Variants in NEDD4 observed in about 807,000 individuals in gnomAD.
NEDD4 encodes E3 ubiquitin-protein ligase NEDD4.
NEDD4 carries 99 observed loss-of-function variants against 144.9 expected under a neutral mutation model. That is an observed-to-expected ratio of 0.68 (90% confidence interval 0.58 to 0.81). The LOEUF (loss-of-function observed/expected upper bound fraction) is 0.81. Ranked by LOEUF, NEDD4 falls within the 30% of genes least tolerant of loss-of-function variation. NEDD4 has a pLI of 0.00. For synonymous variants in NEDD4, 318 were observed against 350.6 expected (o/e 0.91, Z 1.04); for missense variants, 985 against 1,065.9 (o/e 0.92, Z 1.06).
At chr15:55,958,335 A>AT (rs1278691468) in intron 2 of NEDD4, among the ~76,000 whole-genome samples, 12 of 152,152 alleles carry the variant, frequency 7.9e-5, no homozygotes, top group African/African-American at 1.9e-4. Flanking sequence ...GCATTAATTA[A>AT]TTTTTTTAAT....
chr15:55,943,702 A>C (rs1427893362), intron 4 of NEDD4, among the ~76,000 whole-genome samples: 6 of 152,226 alleles, frequency 3.9e-5, no homozygotes, highest in African/African-American at 1.4e-4. Flanking sequence ...CTATTAGGGC[A>C]GTGTGGATGG....
chr15:55,917,114 G>A, intron 5 of NEDD4: 1 of 1,155,216 alleles, frequency 8.7e-7, no homozygotes, highest in Non-Finnish European at 1.1e-6. Flanking sequence ...CGACCTTTAA[G>A]CTGAGCTCAG....
chr15:55,879,159 G>GTACATGCTGTCCGATTTAATT (rs2035096430), intron 5 of NEDD4, among the ~76,000 whole-genome samples: 1 of 152,134 alleles, frequency 6.6e-6, no homozygotes. Context: ...ATACAAAAGA[G>GTACATGCTGTCCGATTTAATT]TACATGCTGT....
chr15:55,830,317 T>G (rs2032889096), intron 28 of NEDD4, among the ~76,000 whole-genome samples, 197 bp downstream of exon 28: 1 of 152,210 alleles, frequency 6.6e-6, no homozygotes, highest in Non-Finnish European at 1.5e-5. Context: ...TCTCTGATCT[T>G]CAGCTACCTG....
chr15:55,838,921 C>A (rs1365251236), intron 21 of NEDD4, among the ~76,000 whole-genome samples: 5 of 152,184 alleles, frequency 3.3e-5, no homozygotes, highest in African/African-American at 1.2e-4. Context: ...GGAATGAATA[C>A]AGAAGTTTTC....
chr15:55,982,692 C>G (rs372210470), intron 1 of NEDD4, among the ~76,000 whole-genome samples: 1 of 152,324 alleles, frequency 6.6e-6, no homozygotes, highest in South Asian at 2.1e-4. Flanking sequence ...TCAAATTATA[C>G]ATTTATAATC....
Position 55,966,754 on chromosome 15 carries a change from C to T in NEDD4, c.46-208G>A, listed in dbSNP as rs536797869. ...GATTATTTACAAAGATAAGCAAAAA[C>T]TTGAGTCAACTTATTACACTGAATA... On this transcript the variant is annotated intron_variant, in intron 1 of 28. Transcript: ENST00000435532. Among the ~76,000 whole-genome samples the T allele has an allele frequency of 1.1e-3, 164 of 152,212 alleles. 1 individual carries two copies. The Middle Eastern group carries it at 0.027, about 25-fold the overall frequency.
intron 27 of NEDD4, among the ~76,000 whole-genome samples, chr15:55,832,210 T>C (rs1490935379): frequency 6.7e-6 from 1 of 149,262 alleles, no homozygotes; most frequent in Non-Finnish European, 1.5e-5. Context: ...GATTTCATGA[T>C]CAAATAAGTT....
intron 4 of NEDD4, among the ~76,000 whole-genome samples, chr15:55,940,724 G>C (rs913400278): frequency 2.0e-5 from 3 of 151,818 alleles, no homozygotes; most frequent in Admixed American, 1.3e-4. Flanking sequence ...TAGAGATGGG[G>C]TCCCACTATT....
rs910522738 is a variant in NEDD4 at position 55,936,477 on chromosome 15, C to T, written c.238-11778G>A. Among the ~76,000 whole-genome samples, 12 of 151,820 alleles carry T rather than the reference C, an allele frequency of 7.9e-5. 1 individual carries two copies. The South Asian group carries it at 1.3e-3, about 16-fold the overall frequency. On this transcript the variant is annotated intron_variant, in intron 4 of 28. Coordinates refer to ENST00000435532, the MANE Select transcript of NEDD4 (RefSeq NM_006154.4). ...AAGCATATTATCAGTGGTGGTTTAT[C>T]GAGATGAAATTATGGCTGATTTTCA...
At chr15:55,950,347 T>C (rs1286374605) in intron 4 of NEDD4, among the ~76,000 whole-genome samples, 2 of 152,240 alleles carry the variant, frequency 1.3e-5, no homozygotes, top group African/African-American at 4.8e-5. Context: ...ACAGCTTCCT[T>C]GCCCTTAATG....
intron 4 of NEDD4, among the ~76,000 whole-genome samples, chr15:55,928,144 G>T (rs543371702): frequency 1.6e-4 from 24 of 152,166 alleles, no homozygotes; most frequent in African/African-American, 5.1e-4. Flanking sequence ...CAAGTAGCTG[G>T]GACTACAGGG....
At position 55,979,336 on chromosome 15, in the gene NEDD4, CCTCTTTTTTTTTTT is replaced by C. The variant is rs2037759376; in HGVS notation, c.46-12804_46-12791del. 5.2e-5 allele frequency among the ~76,000 whole-genome samples: 4 copies of C among 76,358 alleles called. No homozygotes were observed. In the Admixed American group the frequency reaches 7.4e-4, roughly 14 times the overall value. The allele number at this position is 76,358 out of a possible 152,430, so 50.1% of individuals were successfully genotyped here. A position where few individuals can be genotyped will look rare whatever the true frequency, so the allele number is the denominator to read the frequency against. The stretch of plus-strand genomic sequence containing the variant: ...AGTAATAAGATCATGAAAGTTTTTA[CCTCTTTTTTTTTTT>C]TTTTTTTTTTTTTTGAGACGGAGTC... On this transcript the variant is annotated intron_variant, in intron 1 of 28. Coordinates refer to ENST00000435532, the MANE Select transcript of NEDD4 (RefSeq NM_006154.4).
chr15:55,961,909 T>C (rs1490235833), intron 2 of NEDD4, among the ~76,000 whole-genome samples: 1 of 152,210 alleles, frequency 6.6e-6, no homozygotes, highest in East Asian at 1.9e-4. Context: ...AGGTCAAAGT[T>C]ATTCATAATA....
chr15:55,883,430 T>C (rs778958024), intron 5 of NEDD4, among the ~76,000 whole-genome samples: 1 of 152,128 alleles, frequency 6.6e-6, no homozygotes, highest in Non-Finnish European at 1.5e-5. Flanking sequence ...AGACGGCATC[T>C]CTGAATGCAC....
intron 5 of NEDD4, among the ~76,000 whole-genome samples, chr15:55,910,396 C>T (rs1357856342): frequency 2.0e-5 from 3 of 152,042 alleles, no homozygotes; most frequent in Non-Finnish European, 4.4e-5. Context: ...TCCTCCTTCC[C>T]TCACCTTTCA....
rs535230976 is a variant in NEDD4 at position 55,885,139 on chromosome 15, G to A, written c.292-11131C>T. 2.4e-4 allele frequency among the ~76,000 whole-genome samples: 37 copies of A among 152,282 alleles called. No homozygotes were observed. In the South Asian group the frequency reaches 6.8e-3, roughly 28 times the overall value. ...AAACCTTATTACCTTGGAGATAGTG[G>A]CATGACATTTTAGAAGTGCTGAAGT... On this transcript the variant is annotated intron_variant, in intron 5 of 28. Coordinates refer to ENST00000435532, the MANE Select transcript of NEDD4 (RefSeq NM_006154.4).
chr15:55,856,111 TGG>T lies in NEDD4; in HGVS notation c.1026+18_1026+19del, dbSNP rs1436839049. 7.5e-6 allele frequency: 12 copies of T among 1,595,486 alleles called. No homozygotes were observed. The African/African-American group carries it at 1.6e-4, about 21-fold the overall frequency. The stretch of plus-strand genomic sequence containing the variant: ...TGAGTTTTATATTTTTATTGATTGA[TGG>T]GAGAGGGTAAAACTCACCACAGGAA... On this transcript the variant is annotated intron_variant, in intron 12 of 28. Transcript: ENST00000435532.
chr15:55,902,993 T>C (rs4640119), intron 5 of NEDD4, among the ~76,000 whole-genome samples: 85,184 of 151,786 alleles, frequency 0.56, 24,171 homozygotes, highest in Admixed American at 0.63. Context: ...AGAGCGAGAC[T>C]CCATCTCAAA....
Sources: allele counts gnomAD v4.1 joint callset (sites outside exome capture counted in the v4.1 genomes callset), GRCh38; gene constraint gnomAD v4.1.1; transcripts MANE v1.5; gene names NCBI Gene and HGNC (gene_info 2026-07-23, HGNC 2026-07-21).